PACRG: variants seen among roughly 807,000 people sequenced by gnomAD.
The protein encoded by PACRG is parkin coregulated.
In PACRG, 29 loss-of-function variants were observed where a neutral mutation model predicts 29.7. The observed-to-expected ratio is 0.98, with a 90% CI of 0.73 to 1.33. PACRG has a LOEUF of 1.33. Among genes scored for constraint, PACRG ranks in the 40% most tolerant of loss-of-function variants. The pLI, the probability that PACRG is intolerant of heterozygous loss-of-function variation, is 0.00. For synonymous variants in PACRG, 116 were observed against 118.7 expected, an observed-to-expected ratio of 0.98 and a Z score of 0.15; for missense variants, 279 against 316.2, an observed-to-expected ratio of 0.88 and a Z score of 0.89.
chr6:162,947,301 TA>T lies in PACRG; in HGVS notation c.292-114847del, dbSNP rs1799098690. Among the ~76,000 whole-genome samples, 4 of 98,910 alleles carry T rather than the reference TA, an allele frequency of 4.0e-5. 1 individual carries two copies. Among genetic ancestry groups the T allele is most frequent in the African/African-American group, 1.4e-4 (4 of 27,990 alleles). 64.9% of individuals were successfully genotyped at this position (98,910 alleles called of 152,430 possible). ...ATATATAATCATACATATAATCATA[TA>T]ATATATATAATCATATATAATACAT... On this transcript the variant is annotated intron_variant, in intron 2 of 4. Transcript: ENST00000366888.
chr6:162,905,436 C>T (rs1375653353), intron 2 of PACRG, among the ~76,000 whole-genome samples: 1 of 152,152 alleles, frequency 6.6e-6, no homozygotes, highest in Non-Finnish European at 1.5e-5. Flanking sequence ...GTTTGCTGAC[C>T]AGACTGGCAG....
intron 2 of PACRG, among the ~76,000 whole-genome samples, chr6:162,852,462 G>C (rs1584545087): frequency 6.6e-6 from 1 of 152,220 alleles, no homozygotes; most frequent in East Asian, 1.9e-4. Context: ...TTCTCCTGCG[G>C]GACTGTGGAA....
intron 4 of PACRG, among the ~76,000 whole-genome samples, chr6:163,166,517 C>T (rs1047127603): frequency 6.6e-5 from 10 of 152,194 alleles, no homozygotes; most frequent in Non-Finnish European, 1.0e-4. Flanking sequence ...TTTCTAAAAA[C>T]GTGCTCAACA....
intron 2 of PACRG, among the ~76,000 whole-genome samples, chr6:162,967,358 G>T (rs1274681086): frequency 4.6e-5 from 7 of 152,066 alleles, no homozygotes; most frequent in Non-Finnish European, 1.0e-4. Flanking sequence ...GTTATTAAAA[G>T]TTAAACTGTT....
In PACRG at chr6:162,921,063, G is replaced by C. The variant is rs1035200633; in HGVS notation, c.291+106782G>C. Among the ~76,000 whole-genome samples the C allele has an allele frequency of 2.0e-5, 3 of 152,276 alleles. No individual in the cohort carries two copies. The East Asian group carries it at 5.8e-4, about 29-fold the overall frequency. On this transcript the variant is annotated intron_variant, in intron 2 of 4. Transcript: ENST00000366888. ...TTTGAACTAAGCAGTGGAACAAACT[G>C]CAATAATTAGCTGAACTACAAACCA...
At chr6:163,310,702 G>A (rs1475351065) in intron 4 of PACRG, 1 of 152,202 alleles carries the variant, frequency 6.6e-6, no homozygotes, top group Non-Finnish European at 1.5e-5. Flanking sequence ...GTAGAAGAAA[G>A]AATGAAGTTT....
At chr6:163,065,806 A>G (rs1337554103) in intron 3 of PACRG, among the ~76,000 whole-genome samples, 1 of 152,246 alleles carries the variant, frequency 6.6e-6, no homozygotes, top group Non-Finnish European at 1.5e-5. Flanking sequence ...AAAATGCCGT[A>G]GTAGAACTAA....
intron 2 of PACRG, among the ~76,000 whole-genome samples, chr6:162,943,730 C>T (rs1199615189): frequency 6.6e-6 from 1 of 152,150 alleles, no homozygotes; most frequent in Non-Finnish European, 1.5e-5. Flanking sequence ...ACCATAGGCA[C>T]CTGAGCATCT....
chr6:163,100,325 G>A (rs1468225135), intron 4 of PACRG, among the ~76,000 whole-genome samples: 2 of 152,132 alleles, frequency 1.3e-5, no homozygotes, highest in Admixed American at 6.5e-5. Context: ...CTCCCATGCC[G>A]TGCACTGATC....
chr6:162,876,617 T>G (rs1472861338), intron 2 of PACRG, among the ~76,000 whole-genome samples: 1 of 152,246 alleles, frequency 6.6e-6, no homozygotes, highest in African/African-American at 2.4e-5. Context: ...TAGTCCTTTG[T>G]CAGATGGATA....
chr6:162,727,599 C>T, upstream of PACRG: 3 of 1,522,492 alleles, frequency 2.0e-6, no homozygotes, highest in Non-Finnish European at 1.8e-6. Flanking sequence ...CGAGGCGGGG[C>T]GTGGCGCCAT....
chr6:163,243,130 G>A (rs948883288), intron 4 of PACRG, among the ~76,000 whole-genome samples: 25 of 152,196 alleles, frequency 1.6e-4, no homozygotes, highest in Non-Finnish European at 3.1e-4. Context: ...CGTGGTCCAG[G>A]AGTCATAGGT....
At chr6:162,786,646 A>G (rs1219146503) in intron 1 of PACRG, among the ~76,000 whole-genome samples, 2 of 152,190 alleles carry the variant, frequency 1.3e-5, no homozygotes, top group African/African-American at 2.4e-5. Flanking sequence ...TTGGACTTCA[A>G]TCAGAAGAAA....
At chr6:162,885,882 C>A (rs2128028428) in intron 2 of PACRG, among the ~76,000 whole-genome samples, 1 of 152,248 alleles carries the variant, frequency 6.6e-6, no homozygotes, top group Middle Eastern at 3.4e-3. Flanking sequence ...AGTGCATTTC[C>A]TAAAACCAAG....
intron 2 of PACRG, among the ~76,000 whole-genome samples, chr6:162,829,571 A>G (rs1788567033): frequency 6.6e-6 from 1 of 152,174 alleles, no homozygotes. Flanking sequence ...TGAGCTGCAT[A>G]ATGTGGTTTT....
At chr6:163,122,929 C>T (rs1259969449) in intron 4 of PACRG, among the ~76,000 whole-genome samples, 1 of 152,194 alleles carries the variant, frequency 6.6e-6, no homozygotes, top group Non-Finnish European at 1.5e-5. Flanking sequence ...ACTACTGATA[C>T]AGCTCCGAAG....
chr6:162,799,030 T>A (rs943080693), intron 1 of PACRG, among the ~76,000 whole-genome samples: 2 of 152,148 alleles, frequency 1.3e-5, no homozygotes, highest in African/African-American at 4.8e-5. Flanking sequence ...AGCTTCTGGA[T>A]TGGTGAATTG....
intron 4 of PACRG, among the ~76,000 whole-genome samples, chr6:163,290,268 G>A (rs532664083): frequency 1.3e-4 from 13 of 100,570 alleles, no homozygotes; most frequent in African/African-American, 2.1e-4. Context: ...GCGCATGCAC[G>A]CGCGCGCGCG....
intron 3 of PACRG, among the ~76,000 whole-genome samples, chr6:163,074,023 A>G (rs1812315049): frequency 6.6e-6 from 1 of 152,206 alleles, no homozygotes; most frequent in South Asian, 2.1e-4. Flanking sequence ...AGGTTCCTCA[A>G]AAAACTAAAA....
Sources: gnomAD v4.1 joint callset for allele counts (sites outside exome capture counted in the v4.1 genomes callset) on GRCh38, gnomAD v4.1.1 for gene constraint, MANE v1.5 for transcripts, NCBI Gene and HGNC (gene_info 2026-07-23, HGNC 2026-07-21) for gene names.